The following STX8 variants were observed in gnomAD, a reference collection of about 807,000 sequenced individuals.
STX8 encodes syntaxin 8.
STX8 carries 23 observed loss-of-function variants against 37.5 expected under a neutral mutation model. The ratio of observed to expected loss-of-function variants is 0.61; its 90% CI spans 0.44 to 0.87. The LOEUF (loss-of-function observed/expected upper bound fraction) is 0.87. Among genes scored for constraint, STX8 ranks in the 40% least tolerant of loss-of-function variants. The pLI is 0.00. For missense variants in STX8, 313 were observed against 284.7 expected, an observed-to-expected ratio of 1.10 and a Z score of -0.71; for synonymous variants, 115 against 99.1, an observed-to-expected ratio of 1.16 and a Z score of -0.95.
At chr17:9,473,433 AC>A (rs769120768) in intron 6 of STX8, among the ~76,000 whole-genome samples, 91 of 152,232 alleles carry the variant, frequency 6.0e-4, no homozygotes, top group Non-Finnish European at 1.1e-3. Context: ...TTCCAGGACC[AC>A]CCCTTCCATA....
rs1446770132 is a variant in STX8, at chr17:9,444,199, A to G, written c.541+47630T>C. 2.0e-5 allele frequency among the ~76,000 whole-genome samples: 3 copies of G among 152,046 alleles called. No homozygotes were observed. In the East Asian group the frequency reaches 5.8e-4, roughly 29 times the overall value. On this transcript the variant is annotated intron_variant, in intron 6 of 7. Transcript: ENST00000306357. ...AGACAGAGTCTTGCTATGTTGTCCC[A>G]GGCTGGTCTCAAACTCCTGCCTCGA...
intron 6 of STX8, among the ~76,000 whole-genome samples, chr17:9,431,140 G>C (rs897324614): frequency 6.6e-6 from 1 of 151,614 alleles, no homozygotes; most frequent in Non-Finnish European, 1.5e-5. Context: ...ACAGGTGTAA[G>C]CCACTGCGCC....
chr17:9,431,538 A>AC (rs1252833779), intron 6 of STX8, among the ~76,000 whole-genome samples: 3 of 151,788 alleles, frequency 2.0e-5, no homozygotes, highest in Non-Finnish European at 4.4e-5. Flanking sequence ...CTTGTGATCC[A>AC]CCTGCCTCGG....
intron 2 of STX8, among the ~76,000 whole-genome samples, chr17:9,566,990 A>C (rs983800101): frequency 1.3e-5 from 2 of 152,202 alleles, no homozygotes; most frequent in African/African-American, 2.4e-5. Context: ...AATGGAGCTG[A>C]AGGCCATTAT....
intron 7 of STX8, chr17:9,378,318 T>C: frequency 6.8e-6 from 3 of 440,868 alleles, no homozygotes; most frequent in East Asian, 4.4e-5. Context: ...AAAGGACTTT[T>C]AAATTAAAAA....
chr17:9,311,824 T>C (rs1452991657), intron 7 of STX8, among the ~76,000 whole-genome samples: 1 of 152,176 alleles, frequency 6.6e-6, no homozygotes, highest in Non-Finnish European at 1.5e-5. Flanking sequence ...AAGTACTTTA[T>C]AAGTGTTAGT....
At chr17:9,480,895 T>TTTCTTTCTTTCTTTTTCTTTCTTTC (rs534475818) in intron 6 of STX8, among the ~76,000 whole-genome samples, 2 of 151,056 alleles carry the variant, frequency 1.3e-5, no homozygotes, top group African/African-American at 4.9e-5. Flanking sequence ...TCTTTCTTTC[T>TTTCTTTCTTTCTTTTTCTTTCTTTC]TTTTTTTGAG....
intron 7 of STX8, among the ~76,000 whole-genome samples, chr17:9,330,017 C>T (rs1909910587): frequency 6.6e-6 from 1 of 152,026 alleles, no homozygotes; most frequent in South Asian, 2.1e-4. Flanking sequence ...AGGCCCCTTG[C>T]TCAGAGGGGA....
At chr17:9,346,847 G>C (rs1910551160) in intron 7 of STX8, among the ~76,000 whole-genome samples, 2 of 151,460 alleles carry the variant, frequency 1.3e-5, no homozygotes, top group Admixed American at 6.6e-5. Flanking sequence ...GCCTCTCCTT[G>C]CTGGGCACGG....
intron 2 of STX8, among the ~76,000 whole-genome samples, chr17:9,558,868 C>T (rs1907096406): frequency 6.6e-6 from 1 of 151,484 alleles, no homozygotes; most frequent in African/African-American, 2.4e-5. Context: ...AACAAAAAGG[C>T]GCCACACACA....
At chr17:9,344,631 G>T (rs116473693) in intron 7 of STX8, among the ~76,000 whole-genome samples, 1 of 152,068 alleles carries the variant, frequency 6.6e-6, no homozygotes, top group Non-Finnish European at 1.5e-5. Flanking sequence ...ACCCCACACT[G>T]CTGTCTCTGG....
intron 7 of STX8, among the ~76,000 whole-genome samples, chr17:9,253,534 G>A (rs1407296427): frequency 6.6e-6 from 1 of 152,112 alleles, no homozygotes; most frequent in East Asian, 1.9e-4. Flanking sequence ...TAACGAGAAT[G>A]AGGAGGCAGG....
intron 7 of STX8, among the ~76,000 whole-genome samples, chr17:9,324,111 C>CTG (rs1330984142): frequency 3.0e-5 from 4 of 135,130 alleles, no homozygotes; most frequent in Admixed American, 8.2e-5. Flanking sequence ...CTCTCTCTGT[C>CTG]TCTCTCTCTC....
At chr17:9,296,047 G>A (rs1004361922) in intron 7 of STX8, among the ~76,000 whole-genome samples, 16 of 152,188 alleles carry the variant, frequency 1.1e-4, no homozygotes, top group Admixed American at 4.6e-4. Context: ...AAAATTAGCC[G>A]GGGGCGGTGG....
At chr17:9,326,530 G>T (rs1597605957) in intron 7 of STX8, among the ~76,000 whole-genome samples, 1 of 152,168 alleles carries the variant, frequency 6.6e-6, no homozygotes, top group East Asian at 1.9e-4. Flanking sequence ...GTCAGAGATG[G>T]TTTCTGTTGC....
intron 7 of STX8, among the ~76,000 whole-genome samples, chr17:9,289,944 T>C (rs998791911): frequency 6.6e-6 from 1 of 152,074 alleles, no homozygotes; most frequent in Non-Finnish European, 1.5e-5. Flanking sequence ...TAACTAACAA[T>C]TGTAGTTTAA....
At chr17:9,505,348 G>C (rs1362771267) in intron 4 of STX8, among the ~76,000 whole-genome samples, 186 bp from the exon 5 acceptor site, 2 of 152,170 alleles carry the variant, frequency 1.3e-5, no homozygotes, top group African/African-American at 4.8e-5. Context: ...GATGAATAAG[G>C]CACAAGCTTG....
intron 7 of STX8, among the ~76,000 whole-genome samples, chr17:9,354,390 C>T (rs1430001547): frequency 7.2e-6 from 1 of 138,458 alleles, no homozygotes; most frequent in Non-Finnish European, 1.5e-5. Flanking sequence ...GGTGAGATCT[C>T]GGCTCACTGC....
chr17:9,481,854 C>A (rs56929305), intron 6 of STX8, among the ~76,000 whole-genome samples: 1,858 of 152,260 alleles, frequency 0.012, 49 homozygotes, highest in African/African-American at 0.042. Context: ...GTTGCACACT[C>A]CTTACGACAA....
Sources: allele counts gnomAD v4.1 joint callset (sites outside exome capture counted in the v4.1 genomes callset), GRCh38; gene constraint gnomAD v4.1.1; transcripts MANE v1.5; gene names NCBI Gene and HGNC (gene_info 2026-07-23, HGNC 2026-07-21).